TPTE: variants seen among roughly 807,000 people sequenced by gnomAD.
The protein encoded by TPTE is putative tyrosine-protein phosphatase TPTE.
A neutral mutation model predicts 84.1 loss-of-function variants in TPTE; 59 were observed. The ratio of observed to expected loss-of-function variants is 0.70; its 90% confidence interval spans 0.57 to 0.87. The LOEUF (loss-of-function observed/expected upper bound fraction) is 0.87, where lower values mean the gene tolerates loss of function less well. Among genes scored for constraint, TPTE ranks in the 40% least tolerant of loss-of-function variants. The pLI, the probability that TPTE is intolerant of heterozygous loss-of-function variation, is 0.00. For missense variants in TPTE, 382 were observed against 659.6 expected (o/e 0.58, Z 4.61); for synonymous variants, 130 against 223.5 (o/e 0.58, Z 3.73).
chr21:10,590,768 G>A (rs1336366553), intron 18 of TPTE, among the ~76,000 whole-genome samples: 1 of 152,312 alleles, frequency 6.6e-6, no homozygotes, highest in Non-Finnish European at 1.5e-5. Flanking sequence ...AAATTTAAGG[G>A]AATGCTAAAA....
At chr21:10,597,437 CAG>C (rs2075609659) in intron 20 of TPTE, among the ~76,000 whole-genome samples, 1 of 140,204 alleles carries the variant, frequency 7.1e-6, no homozygotes, top group Non-Finnish European at 1.5e-5. Flanking sequence ...TTTTTGGAGA[CAG>C]AGTCTTGTTC....
At chr21:10,598,856 C>G (rs2075638588) in intron 21 of TPTE, among the ~76,000 whole-genome samples, 2 of 152,310 alleles carry the variant, frequency 1.3e-5, no homozygotes, top group African/African-American at 4.8e-5. Flanking sequence ...CCCTGCCATG[C>G]CCTCCCTACT....
chr21:10,548,383 A>G (rs544258829), intron 7 of TPTE, among the ~76,000 whole-genome samples: 220 of 152,312 alleles, frequency 1.4e-3, no homozygotes, highest in African/African-American at 5.1e-3. Flanking sequence ...CCAATCAGCC[A>G]TGAATGCCCA....
chr21:10,560,033 C>G (rs1337608033), intron 9 of TPTE, among the ~76,000 whole-genome samples: 7 of 152,290 alleles, frequency 4.6e-5, no homozygotes, highest in Non-Finnish European at 8.8e-5. Flanking sequence ...GCCATGTGCC[C>G]CATCTAATGT....
intron 4 of TPTE, among the ~76,000 whole-genome samples, chr21:10,539,775 G>T (rs2145611668): frequency 6.6e-6 from 1 of 152,426 alleles, no homozygotes; most frequent in Non-Finnish European, 1.5e-5. Context: ...ACTTTGGGAG[G>T]CCAGGGCGGG....
chr21:10,573,828 C>T lies in TPTE; in HGVS notation c.795+3279C>T, dbSNP rs1422312191. Among the ~76,000 whole-genome samples the T allele has an allele frequency of 2.6e-5, 4 of 152,418 alleles. No individual in the cohort carries two copies. The East Asian group carries it at 7.7e-4, about 29-fold the overall frequency. ...CATTCTCCAGTAGGCTACTTCAGGC[C>T]TGTTCACATGATGGCAGAGGCAAGA... On this transcript the variant is annotated intron_variant, in intron 14 of 23. Coordinates refer to ENST00000618007, the MANE Select transcript of TPTE (RefSeq NM_199261.4).
At position 10,578,618 on chromosome 21, in the gene TPTE, T is replaced by A. The variant is rs769275518; in HGVS notation, c.1027+13T>A. 4 of 1,611,852 alleles carry A rather than the reference T, an allele frequency of 2.5e-6. No homozygotes were observed. In the African/African-American group the frequency reaches 4.0e-5, roughly 16 times the overall value. ...AAAGGAGGCACAGGTAATAACATTT[T>A]CCTTTTTATTTCTCCATTTCTAAAG... is the stretch of plus-strand genomic sequence containing the variant. On this transcript the variant is annotated intron_variant, in intron 17 of 23. Coordinates refer to ENST00000618007, the MANE Select transcript of TPTE (RefSeq NM_199261.4).
At chr21:10,572,908 A>C (rs1434109837) in intron 14 of TPTE, among the ~76,000 whole-genome samples, 1 of 152,308 alleles carries the variant, frequency 6.6e-6, no homozygotes, top group Admixed American at 6.5e-5. Flanking sequence ...TTAAAAAAAA[A>C]AGGTGAAGAA....
At position 10,538,133 on chromosome 21, in the gene TPTE, T is replaced by C. The variant is rs191064493; in HGVS notation, c.-43-548T>C. ...AAAGGACAGCAGGGACGGAGAGTAG[T>C]GAAGACCTCAGGAGAAGAGAAAAAA... On this transcript the variant is annotated intron_variant, in intron 3 of 23. Transcript: ENST00000618007. Among the ~76,000 whole-genome samples the C allele has an allele frequency of 8.5e-5, 13 of 152,422 alleles. No homozygotes were observed. In the East Asian group the frequency reaches 2.1e-3, roughly 25 times the overall value.
chr21:10,530,486 A>G (rs1295098410), intron 3 of TPTE, among the ~76,000 whole-genome samples: 2 of 152,310 alleles, frequency 1.3e-5, no homozygotes, highest in Non-Finnish European at 2.9e-5. Flanking sequence ...TTGCATAGTA[A>G]CATAAGATTA....
intron 3 of TPTE, among the ~76,000 whole-genome samples, chr21:10,538,235 C>T (rs373588414): frequency 3.1e-3 from 469 of 152,170 alleles, no homozygotes; most frequent in Non-Finnish European, 5.4e-3. Context: ...CCCCAAATAC[C>T]ATCATATTGG....
At chr21:10,604,913 C>A (rs1979088035) in intron 23 of TPTE, among the ~76,000 whole-genome samples, 1 of 152,310 alleles carries the variant, frequency 6.6e-6, no homozygotes. Flanking sequence ...ATGCTAACTT[C>A]TATCATTGAG....
chr21:10,524,931 G>C (rs1452718976), intron 2 of TPTE, among the ~76,000 whole-genome samples: 1 of 152,312 alleles, frequency 6.6e-6, no homozygotes, highest in Non-Finnish European at 1.5e-5. Context: ...AAAAATAATA[G>C]AAATAGAAAA....
intron 4 of TPTE, 104 bp from the exon 5 acceptor site, chr21:10,541,008 A>G: frequency 6.5e-7 from 1 of 1,531,700 alleles, no homozygotes. Context: ...CATGTGAATA[A>G]TAAAAGTGTA....
At chr21:10,574,828 C>T (rs1229135944) in intron 14 of TPTE, among the ~76,000 whole-genome samples, 14 of 152,404 alleles carry the variant, frequency 9.2e-5, no homozygotes, top group African/African-American at 3.4e-4. Flanking sequence ...GCCACCAGGG[C>T]TGTGGATCTG....
rs141919406 is a variant in TPTE at position 10,598,019 on chromosome 21, T to C, written c.1281T>C (p.Tyr427=). ...KHFIIYSIPR[Y]VRDLKIQIEM... is the part of the protein sequence containing the mutation. ...AATTTCATTTTGTTGGAACAGGTTA[T>C]GTACGTGATCTAAAAATCCAAATAG... is the stretch of plus-strand genomic sequence containing the variant. Residue 427 remains tyrosine (Y), a synonymous_variant, in exon 21 of 24, where the codon TAT becomes TAC. Transcript: ENST00000618007. 40 of 1,613,338 alleles carry C rather than the reference T, an allele frequency of 2.5e-5. No individual in the cohort carries two copies. The African/African-American group carries it at 3.7e-4, about 15-fold the overall frequency.
intron 1 of TPTE, among the ~76,000 whole-genome samples, chr21:10,522,589 A>G (rs1280897381): frequency 6.6e-6 from 1 of 152,304 alleles, no homozygotes; most frequent in Non-Finnish European, 1.5e-5. Context: ...TTTCTCTAAT[A>G]GATAGTGATG....
intron 7 of TPTE, 116 bp downstream of exon 7, chr21:10,543,498 C>T (rs1479265637): frequency 2.5e-6 from 4 of 1,570,726 alleles, no homozygotes; most frequent in African/African-American, 1.4e-5. Flanking sequence ...CTTTTGTCAA[C>T]ACATTTACAC....
chr21:10,588,477 G>C (rs1471436408), intron 17 of TPTE, among the ~76,000 whole-genome samples: 3 of 152,296 alleles, frequency 2.0e-5, no homozygotes, highest in Non-Finnish European at 2.9e-5. Context: ...ATAGTCTGGT[G>C]AGTATATGCC....
Sources: allele counts gnomAD v4.1 joint callset (sites outside exome capture counted in the v4.1 genomes callset), GRCh38; gene constraint gnomAD v4.1.1; transcripts MANE v1.5; gene names NCBI Gene and HGNC (gene_info 2026-07-23, HGNC 2026-07-21).